The following RYR2 variants were observed in gnomAD, a reference collection of about 807,000 sequenced individuals.
RYR2 encodes the protein cardiac muscle ryanodine receptor-calcium release channel.
Under a neutral mutation model 601.1 loss-of-function variants are expected in RYR2, and 227 were observed. That is an observed-to-expected ratio of 0.38 (90% CI 0.34 to 0.42). The LOEUF is 0.42. Ranked by LOEUF, RYR2 falls within the 10% of genes least tolerant of loss-of-function variation. The probability of loss-of-function intolerance (pLI) is 1.00; values close to 1 mark genes in which losing one functional copy is unlikely to be tolerated. For synonymous variants in RYR2, 2,223 were observed against 2,175.1 expected (o/e 1.02, Z -0.61); for missense variants, 4,646 against 6,156.5 (o/e 0.75, Z 8.21).
intron 5 of RYR2, 91 bp downstream of exon 5, chr1:237,364,463 A>G: frequency 1.6e-6 from 1 of 621,744 alleles, no homozygotes; most frequent in Non-Finnish European, 2.7e-6. Flanking sequence ...ATATTAGTAT[A>G]GCTGTATTAT....
In RYR2 at chr1:237,785,965, C is replaced by A. The variant is rs751794368; in HGVS notation, c.13261-4C>A. The A allele has an allele frequency of 3.8e-6, 6 of 1,587,278 alleles. No individual in the cohort carries two copies. In the East Asian group the frequency reaches 1.1e-4, roughly 30 times the overall value. ...GTTTTCTTTTCCCCATTGACTCATT[C>A]AAGGAACAGAAGGCAAAAGAAGAAG... On this transcript the variant is annotated splice_polypyrimidine_tract_variant and splice_region_variant and intron_variant, in intron 90 of 104. Transcript: ENST00000366574.
At chr1:237,825,572 A>T (rs1290952557) in intron 101 of RYR2, among the ~76,000 whole-genome samples, 2 of 151,996 alleles carry the variant, frequency 1.3e-5, no homozygotes, top group Non-Finnish European at 2.9e-5. Context: ...CCAGAAAAAA[A>T]CCTAGGCAAA....
chr1:237,659,005 A>C (rs1238753252), intron 54 of RYR2, among the ~76,000 whole-genome samples: 1 of 152,220 alleles, frequency 6.6e-6, no homozygotes, highest in African/African-American at 2.4e-5. Context: ...ACAGAGGATA[A>C]AGTAGGTTCA....
At chr1:237,090,222 G>T (rs1166519721) in intron 1 of RYR2, among the ~76,000 whole-genome samples, 1 of 152,122 alleles carries the variant, frequency 6.6e-6, no homozygotes, top group Non-Finnish European at 1.5e-5. Context: ...GTGAGATTTG[G>T]GTGGGGACAC....
At chr1:237,466,577 C>G (rs1202106197) in intron 16 of RYR2, among the ~76,000 whole-genome samples, 2 of 151,882 alleles carry the variant, frequency 1.3e-5, no homozygotes, top group South Asian at 2.1e-4. Flanking sequence ...CTTGATCAAT[C>G]TTACTATTAT....
intron 29 of RYR2, among the ~76,000 whole-genome samples, chr1:237,581,314 C>A (rs1673894807): frequency 6.6e-6 from 1 of 152,120 alleles, no homozygotes; most frequent in Non-Finnish European, 1.5e-5. Flanking sequence ...TGGTTATAAT[C>A]AAATCCAGAA....
chr1:237,527,818 T>C (rs1667744840), intron 24 of RYR2, among the ~76,000 whole-genome samples: 1 of 152,210 alleles, frequency 6.6e-6, no homozygotes, highest in South Asian at 2.1e-4. Flanking sequence ...ACATGTGCAG[T>C]AGTACTCCTG....
rs189451097 is a variant in RYR2 at position 237,506,395 on chromosome 1, G to A, written c.2614-315G>A. On this transcript the variant is annotated intron_variant, in intron 22 of 104. Transcript: ENST00000366574. ...TACTAAAAATACAAAAAAATTAGCC[G>A]GGCGTAGTGGTGGGCACCTGCATTC... Among the ~76,000 whole-genome samples the A allele has an allele frequency of 2.7e-3, 414 of 152,052 alleles. 2 individuals are homozygous for A. Among genetic ancestry groups the A allele is most frequent in the African/African-American group, 9.4e-3 (389 of 41,466 alleles).
Position 237,674,847 on chromosome 1 carries a change from GT to G in RYR2, c.8830+2del. The G allele has an allele frequency of 1.3e-6, 2 of 1,560,382 alleles. No homozygotes were observed. Among genetic ancestry groups the G allele is most frequent in the Non-Finnish European group, 8.8e-7 (1 of 1,132,808 alleles). On this transcript the variant is annotated splice_donor_variant, in intron 60 of 104. Coordinates refer to ENST00000366574, the MANE Select transcript of RYR2 (RefSeq NM_001035.3). LOFTEE classifies it high-confidence loss of function. ...GCCCATCAGTATATCCTGGAGTTTG[GT>G]AGGTACCATAGTCCCATTGCTAATA...
At chr1:237,537,926 G>C (rs984856794) in intron 25 of RYR2, among the ~76,000 whole-genome samples, 2 of 152,154 alleles carry the variant, frequency 1.3e-5, no homozygotes, top group African/African-American at 4.8e-5. Context: ...TGGAATTGAG[G>C]TGTAACAGAA....
At chr1:237,532,749 A>T (rs1668258157) in intron 25 of RYR2, among the ~76,000 whole-genome samples, 1 of 152,242 alleles carries the variant, frequency 6.6e-6, no homozygotes, top group South Asian at 2.1e-4. Flanking sequence ...GTGTGTGTGC[A>T]TGTGTGTGTA....
At chr1:237,451,854 T>A (rs1015487212) in intron 14 of RYR2, among the ~76,000 whole-genome samples, 10 of 152,078 alleles carry the variant, frequency 6.6e-5, no homozygotes, top group African/African-American at 2.2e-4. Flanking sequence ...AATTTAAAAA[T>A]TTTTACCTTT....
intron 24 of RYR2, among the ~76,000 whole-genome samples, chr1:237,527,881 C>T (rs934597452): frequency 6.6e-5 from 10 of 152,154 alleles, no homozygotes; most frequent in African/African-American, 2.4e-4. Context: ...TTTTAGATTG[C>T]ATGCCATTTT....
chr1:237,687,444 T>C lies in RYR2; in HGVS notation c.9018-11T>C, dbSNP rs781149223. ...CTTCCCTTTTCTCTTTTGTTTTTCT[T>C]TTGTCTTCAGCCTATTCTGCAAACT... is the stretch of plus-strand genomic sequence containing the variant. On this transcript the variant is annotated splice_polypyrimidine_tract_variant and intron_variant, in intron 62 of 104. Transcript: ENST00000366574. The C allele has an allele frequency of 3.8e-5, 59 of 1,570,314 alleles. No individual in the cohort carries two copies. Among genetic ancestry groups the C allele is most frequent in the Non-Finnish European group, 4.8e-5 (55 of 1,143,162 alleles).
intron 3 of RYR2, among the ~76,000 whole-genome samples, chr1:237,337,305 A>C (rs907062034): frequency 2.6e-5 from 4 of 152,154 alleles, no homozygotes; most frequent in African/African-American, 4.8e-5. Context: ...TTTACTGGTA[A>C]ATAAATTAAA....
At chr1:237,536,510 C>G (rs964802718) in intron 25 of RYR2, among the ~76,000 whole-genome samples, 3 of 150,032 alleles carry the variant, frequency 2.0e-5, no homozygotes, top group Non-Finnish European at 4.4e-5. Context: ...GTCAGGAGAT[C>G]GAGACCATCC....
chr1:237,365,631 A>G (rs1179213802), intron 5 of RYR2, among the ~76,000 whole-genome samples: 1 of 152,244 alleles, frequency 6.6e-6, no homozygotes, highest in South Asian at 2.1e-4. Flanking sequence ...CAAAATAGGA[A>G]TATTTCCTCT....
chr1:237,302,351 C>A (rs1009982837), intron 2 of RYR2, among the ~76,000 whole-genome samples: 1 of 152,066 alleles, frequency 6.6e-6, no homozygotes, highest in East Asian at 1.9e-4. Flanking sequence ...GTGCGACTCA[C>A]AATTATGGTA....
intron 89 of RYR2, among the ~76,000 whole-genome samples, chr1:237,783,232 A>G (rs1695270329): frequency 1.3e-5 from 2 of 152,170 alleles, no homozygotes; most frequent in Admixed American, 1.3e-4. Context: ...CAATTTCCTC[A>G]TCGGTAAAAT....
Sources: allele counts gnomAD v4.1 joint callset (sites outside exome capture counted in the v4.1 genomes callset), GRCh38; gene constraint gnomAD v4.1.1; transcripts MANE v1.5; gene names NCBI Gene and HGNC (gene_info 2026-07-23, HGNC 2026-07-21).